MGAT4C: variants seen among roughly 807,000 people sequenced by gnomAD.
MGAT4C encodes the protein MGAT4 family member C, also known as alpha-1,3-mannosyl-glycoprotein 4-beta-N-acetylglucosaminyltransferase C.
In MGAT4C, 19 loss-of-function variants were observed where a neutral mutation model predicts 40.1. That is an observed-to-expected ratio of 0.47 (90% confidence interval 0.33 to 0.70). MGAT4C has a LOEUF of 0.70. Among genes scored for constraint, MGAT4C ranks in the 30% least tolerant of loss-of-function variants. The probability of loss-of-function intolerance (pLI) is 0.02; values close to 1 mark genes in which losing one functional copy is unlikely to be tolerated. For missense variants in MGAT4C, 491 were observed against 563.2 expected (o/e 0.87, Z 1.30); for synonymous variants, 181 against 187.1 (o/e 0.97, Z 0.27).
At chr12:86,365,623 C>T (rs1955574792) in intron 3 of MGAT4C, among the ~76,000 whole-genome samples, 1 of 151,616 alleles carries the variant, frequency 6.6e-6, no homozygotes, top group South Asian at 2.1e-4. Context: ...ATTCTTCTGC[C>T]TTGGCTTCAG....
At chr12:86,392,068 G>A (rs879409060) in intron 3 of MGAT4C, among the ~76,000 whole-genome samples, 1 of 152,102 alleles carries the variant, frequency 6.6e-6, no homozygotes, top group Non-Finnish European at 1.5e-5. Context: ...TATCTAAATG[G>A]TAATTTAATT....
intron 1 of MGAT4C, among the ~76,000 whole-genome samples, chr12:86,137,009 T>C (rs1882063598): frequency 6.6e-6 from 1 of 152,126 alleles, no homozygotes; most frequent in Non-Finnish European, 1.5e-5. Flanking sequence ...ACTATAAAAA[T>C]ATGATAAGAT....
intron 1 of MGAT4C, among the ~76,000 whole-genome samples, chr12:86,061,228 G>A (rs1382702131): frequency 6.6e-6 from 1 of 152,146 alleles, no homozygotes; most frequent in African/African-American, 2.4e-5. Context: ...GCAGGGTGGG[G>A]CATCCCCTCA....
At chr12:86,233,212 G>A (rs1422714617) in intron 1 of MGAT4C, among the ~76,000 whole-genome samples, 1 of 152,132 alleles carries the variant, frequency 6.6e-6, no homozygotes, top group African/African-American at 2.4e-5. Context: ...GTATTTTGCA[G>A]GAAACAGTTT....
intron 2 of MGAT4C, among the ~76,000 whole-genome samples, chr12:86,031,158 A>G (rs369984183): frequency 1.4e-4 from 21 of 151,826 alleles, no homozygotes; most frequent in African/African-American, 4.8e-4. Context: ...GGGTTTCAAA[A>G]TTATGTATGA....
intron 1 of MGAT4C, among the ~76,000 whole-genome samples, chr12:86,192,888 A>T (rs1180298278): frequency 1.1e-4 from 16 of 152,112 alleles, no homozygotes; most frequent in Admixed American, 1.0e-3. Flanking sequence ...TAGCATTCTA[A>T]GCTTTTCCTT....
At chr12:86,437,362 T>G (rs1252595261) in intron 2 of MGAT4C, among the ~76,000 whole-genome samples, 1 of 151,792 alleles carries the variant, frequency 6.6e-6, no homozygotes. Context: ...TTTGGAACAG[T>G]TCAAGTATTA....
intron 1 of MGAT4C, among the ~76,000 whole-genome samples, chr12:86,225,193 G>C (rs531057431): frequency 1.1e-4 from 17 of 152,068 alleles, no homozygotes; most frequent in Admixed American, 2.0e-4. Context: ...GGAAAACCTA[G>C]AGAAAATGGG....
intron 2 of MGAT4C, chr12:86,002,367 A>G (rs950398890): frequency 3.9e-5 from 6 of 152,198 alleles, no homozygotes; most frequent in African/African-American, 1.4e-4. Context: ...ATGTATGGGC[A>G]AAAGAAAATC....
intron 2 of MGAT4C, among the ~76,000 whole-genome samples, chr12:86,439,118 CA>C (rs1957185601): frequency 6.6e-6 from 1 of 151,896 alleles, no homozygotes; most frequent in Admixed American, 6.6e-5. Context: ...CACTCTACAG[CA>C]AATGAACCTA....
chr12:86,214,967 C>T (rs1278189237), intron 1 of MGAT4C, among the ~76,000 whole-genome samples: 1 of 152,040 alleles, frequency 6.6e-6, no homozygotes, highest in Non-Finnish European at 1.5e-5. Flanking sequence ...ATTCAATTTT[C>T]CAACTTATTC....
chr12:86,542,382 C>T (rs1959172652), intron 2 of MGAT4C, among the ~76,000 whole-genome samples: 1 of 152,096 alleles, frequency 6.6e-6, no homozygotes, highest in Non-Finnish European at 1.5e-5. Flanking sequence ...AATACAGAAT[C>T]TGTTACTCAA....
intron 2 of MGAT4C, among the ~76,000 whole-genome samples, chr12:86,587,426 G>C (rs974250576): frequency 6.6e-6 from 1 of 152,020 alleles, no homozygotes; most frequent in Non-Finnish European, 1.5e-5. Context: ...GGATTGACTT[G>C]GCAATGCGGA....
chr12:86,155,234 T>C (rs1884788595), intron 1 of MGAT4C, among the ~76,000 whole-genome samples: 1 of 152,180 alleles, frequency 6.6e-6, no homozygotes, highest in South Asian at 2.1e-4. Flanking sequence ...CTTCGCAAGT[T>C]AGTTCAGAGC....
intron 1 of MGAT4C, among the ~76,000 whole-genome samples, chr12:86,091,674 A>AT (rs913616378): frequency 1.3e-5 from 2 of 152,134 alleles, no homozygotes; most frequent in African/African-American, 4.8e-5. Context: ...ATGCTATTCT[A>AT]TTGAAAAGTG....
Position 85,969,971 on chromosome 12 carries a change from C to T in MGAT4C, c.*9318G>A, listed in dbSNP as rs2136657217. On this transcript the variant is annotated 3_prime_UTR_variant, in exon 5 of 5. Transcript: ENST00000611864. Reference sequence around the variant, plus strand: ...ACATATTTATGTAGTAAGCATTGTTCTTGGCTGAGCTTACATTAAGTGATC... The same window carrying T: ...ACATATTTATGTAGTAAGCATTGTTTTTGGCTGAGCTTACATTAAGTGATC... The T allele has an allele frequency of 6.6e-6, 1 of 151,410 alleles. No individual in the cohort carries two copies. The highest frequency in any genetic ancestry group is 6.6e-5 in the Admixed American group (1 of 15,156). The allele number at this position is 151,410 out of a possible 1,614,324, so 9.4% of individuals were successfully genotyped here.
intron 2 of MGAT4C, among the ~76,000 whole-genome samples, chr12:86,628,205 T>C (rs1376140009): frequency 6.6e-6 from 1 of 151,120 alleles, no homozygotes; most frequent in Non-Finnish European, 1.5e-5. Flanking sequence ...GAAAAAAGAG[T>C]AAAAAGAAAC....
intron 1 of MGAT4C, among the ~76,000 whole-genome samples, chr12:86,064,159 T>C (rs1042293790): frequency 6.6e-6 from 1 of 152,108 alleles, no homozygotes; most frequent in Non-Finnish European, 1.5e-5. Context: ...TGTAAAACAC[T>C]CCTCAGCAAA....
intron 1 of MGAT4C, among the ~76,000 whole-genome samples, chr12:86,746,449 T>C (rs1022966634): frequency 1.3e-5 from 2 of 151,566 alleles, no homozygotes; most frequent in Admixed American, 6.6e-5. Context: ...GGACTACCCT[T>C]GTAATGAAAT....
Sources: gnomAD v4.1 joint callset for allele counts (sites outside exome capture counted in the v4.1 genomes callset) on GRCh38, gnomAD v4.1.1 for gene constraint, MANE v1.5 for transcripts, NCBI Gene and HGNC (gene_info 2026-07-23, HGNC 2026-07-21) for gene names.